The following ACTR3C variants were observed in gnomAD, a reference collection of about 807,000 sequenced individuals.
The protein encoded by ACTR3C is actin related protein 3C.
In ACTR3C, 18 loss-of-function variants were observed where a neutral mutation model predicts 26.3. The observed-to-expected ratio is 0.68, with a 90% CI of 0.47 to 1.01. ACTR3C has a LOEUF of 1.01. Ranked by LOEUF, ACTR3C falls within the 50% of genes least tolerant of loss-of-function variation. The pLI, the probability that ACTR3C is intolerant of heterozygous loss-of-function variation, is 0.00. For missense variants in ACTR3C, 184 were observed against 250.7 expected, an observed-to-expected ratio of 0.73 and a Z score of 1.80; for synonymous variants, 55 against 94.5, an observed-to-expected ratio of 0.58 and a Z score of 2.42.
At chr7:149,950,477 G>A in the ACTR3C span, among the ~76,000 whole-genome samples, 1 of 151,874 alleles carries the variant, frequency 6.6e-6, no homozygotes, top group Non-Finnish European at 1.5e-5. Flanking sequence ...AGGGTACACA[G>A]GAAGTGCTGT....
chr7:150,035,409 G>T, the ACTR3C span, among the ~76,000 whole-genome samples: 67 of 70,654 alleles, frequency 9.5e-4, 14 homozygotes, highest in African/African-American at 2.9e-3. Context: ...AAGATCCAGG[G>T]GGGGAAGAGG....
At chr7:149,887,382 G>A in the ACTR3C span, among the ~76,000 whole-genome samples, 1 of 152,166 alleles carries the variant, frequency 6.6e-6, no homozygotes, top group East Asian at 1.9e-4. Flanking sequence ...TTATTAACCT[G>A]CTTATTACAG....
chr7:150,038,809 TC>T, the ACTR3C span, among the ~76,000 whole-genome samples: 2 of 139,250 alleles, frequency 1.4e-5, no homozygotes, highest in African/African-American at 5.6e-5. Flanking sequence ...GGGGGGTGCC[TC>T]CCCCCTCTGC....
chr7:149,893,800 A>G, the ACTR3C span, among the ~76,000 whole-genome samples: 2 of 152,368 alleles, frequency 1.3e-5, no homozygotes, highest in East Asian at 1.9e-4. Flanking sequence ...CTCTGTAGCT[A>G]TACAAATGTA....
At chr7:150,054,879 C>G in the ACTR3C span, among the ~76,000 whole-genome samples, 4 of 152,204 alleles carry the variant, frequency 2.6e-5, no homozygotes, top group Non-Finnish European at 5.9e-5. Context: ...TGCTTTCATG[C>G]AGATGATCAT....
At chr7:150,090,142 A>T in the ACTR3C span, among the ~76,000 whole-genome samples, 1 of 152,240 alleles carries the variant, frequency 6.6e-6, no homozygotes. Context: ...ATGCACGTAG[A>T]TGAGCTCATT....
At chr7:150,079,393 C>T in the ACTR3C span, among the ~76,000 whole-genome samples, 3 of 152,164 alleles carry the variant, frequency 2.0e-5, no homozygotes, top group Non-Finnish European at 2.9e-5. Flanking sequence ...CAGTCAGTCT[C>T]GCACGGCTGT....
chr7:150,083,270 A>T, the ACTR3C span, among the ~76,000 whole-genome samples: 2 of 151,800 alleles, frequency 1.3e-5, no homozygotes, highest in Non-Finnish European at 2.9e-5. Context: ...TGAAATATAC[A>T]ATAAATTATT....
At chr7:150,041,740 C>A in the ACTR3C span, among the ~76,000 whole-genome samples, 14 of 134,216 alleles carry the variant, frequency 1.0e-4, no homozygotes, top group African/African-American at 3.3e-4. Flanking sequence ...CGATGGGGGT[C>A]CTAAGAGCCA....
At chr7:150,288,314 G>T (rs1835943793) in intron 4 of ACTR3C, among the ~76,000 whole-genome samples, 1 of 150,182 alleles carries the variant, frequency 6.7e-6, no homozygotes, top group South Asian at 2.2e-4. Context: ...GCCCCTCCTT[G>T]GCAGTGTTGC....
the ACTR3C span, among the ~76,000 whole-genome samples, chr7:150,019,307 C>A: frequency 6.7e-6 from 1 of 150,094 alleles, no homozygotes; most frequent in Non-Finnish European, 1.5e-5. Flanking sequence ...TATCTATAAT[C>A]TATTGGCCGG....
At chr7:149,985,768 C>CCTT in the ACTR3C span, among the ~76,000 whole-genome samples, 6 of 152,120 alleles carry the variant, frequency 3.9e-5, no homozygotes, top group African/African-American at 1.4e-4. Context: ...TTGTCAAAGC[C>CCTT]CTTCTTTCTG....
chr7:150,236,299 T>A, the ACTR3C span, among the ~76,000 whole-genome samples: 1 of 152,202 alleles, frequency 6.6e-6, no homozygotes, highest in African/African-American at 2.4e-5. Context: ...ACAATTAAGT[T>A]AGTATTAGCA....
At chr7:149,895,333 G>A in the ACTR3C span, among the ~76,000 whole-genome samples, 37 of 149,914 alleles carry the variant, frequency 2.5e-4, no homozygotes, top group Admixed American at 3.3e-4. Flanking sequence ...AGCATACAAC[G>A]AGGAGACAAC....
chr7:149,894,705 A>G, the ACTR3C span, among the ~76,000 whole-genome samples: 1 of 152,214 alleles, frequency 6.6e-6, no homozygotes, highest in East Asian at 1.9e-4. Context: ...CACCCCACTG[A>G]GAATGGCAAT....
the ACTR3C span, among the ~76,000 whole-genome samples, chr7:150,088,295 C>G: frequency 6.6e-6 from 1 of 152,214 alleles, no homozygotes; most frequent in Non-Finnish European, 1.5e-5. Context: ...AGATATTGTA[C>G]TTTTCAGAAT....
chr7:150,079,539 T>C, the ACTR3C span, among the ~76,000 whole-genome samples: 2 of 152,182 alleles, frequency 1.3e-5, no homozygotes, highest in African/African-American at 4.8e-5. Context: ...TCTTACCCTC[T>C]GCATGTGGGT....
the ACTR3C span, among the ~76,000 whole-genome samples, chr7:149,987,342 G>A: frequency 6.6e-6 from 1 of 150,940 alleles, no homozygotes; most frequent in Admixed American, 6.6e-5. Flanking sequence ...GAGGCGGGTG[G>A]ATCACTTGAG....
chr7:150,036,065 G>A, the ACTR3C span, among the ~76,000 whole-genome samples: 9 of 88,190 alleles, frequency 1.0e-4, 1 homozygote, highest in South Asian at 3.4e-4. Context: ...CTCAGTCCCC[G>A]CGTCGCGAGG....
Sources: gnomAD v4.1 joint callset for allele counts (sites outside exome capture counted in the v4.1 genomes callset) on GRCh38, gnomAD v4.1.1 for gene constraint, MANE v1.5 for transcripts, NCBI Gene and HGNC (gene_info 2026-07-23, HGNC 2026-07-21) for gene names.